SERINC2: variants seen among roughly 807,000 people sequenced by gnomAD.
SERINC2 encodes the protein serine incorporator 2.
Under a neutral mutation model 54.2 loss-of-function variants are expected in SERINC2, and 56 were observed. The ratio of observed to expected loss-of-function variants is 1.03; its 90% CI spans 0.83 to 1.29. SERINC2 has a LOEUF of 1.29. Ranked by LOEUF, SERINC2 falls within the 50% of genes most tolerant of loss-of-function variation. The probability of loss-of-function intolerance (pLI) is 0.00; values close to 1 mark genes in which losing one functional copy is unlikely to be tolerated. For synonymous variants in SERINC2, 272 were observed against 253.1 expected (o/e 1.07, Z -0.71); for missense variants, 614 against 607.4 (o/e 1.01, Z -0.12).
Position 31,413,288 on chromosome 1 carries a change from G to A in SERINC2, c.23G>A (p.Cys8Tyr). The change falls in exon 1 of 10, where the codon TGC becomes TAC. Residue 8 changes from cysteine (C) to tyrosine (Y), a missense_variant. Coordinates refer to ENST00000373709, the MANE Select transcript of SERINC2 (RefSeq NM_178865.5). This position sits in a 1 kb window ranked among gnomAD's most constrained non-coding sequence, Gnocchi z 5.0. MGACLGA[C>Y]SLLSCASCLC... is the part of the protein sequence containing the mutation. Reference sequence around the variant, plus strand: ...GCCATGGGGGCCTGCCTGGGAGCCTGCTCCCTGCTCAGCTGCGTGAGTCCC... The same window carrying A: ...GCCATGGGGGCCTGCCTGGGAGCCTACTCCCTGCTCAGCTGCGTGAGTCCC... 4.7e-6 allele frequency: 6 copies of A among 1,273,804 alleles called. No homozygotes were observed. Among genetic ancestry groups the A allele is most frequent in the Non-Finnish European group, 5.9e-6 (6 of 1,012,184 alleles). The allele number at this position is 1,273,804 out of a possible 1,614,324, so 78.9% of individuals were successfully genotyped here.
In SERINC2 at chr1:31,428,997, G is replaced by C; in HGVS notation, c.800G>C (p.Gly267Ala). 6.2e-7 allele frequency: 1 copy of C among 1,613,928 alleles called. No individual in the cohort carries two copies. The highest frequency in any genetic ancestry group is 8.5e-7 in the Non-Finnish European group (1 of 1,179,952). ...TGCCAGGACGCCCAGCCCAACTCGGGTCTGCTGCAGGCCTCGGTCATCACC... is the reference window on the plus strand; with the variant it reads ...TGCCAGGACGCCCAGCCCAACTCGGCTCTGCTGCAGGCCTCGGTCATCACC... ...PKVQDAQPNS[G>A]LLQASVITLY... The change falls in exon 7 of 10, where the codon GGT becomes GCT. Residue 267 changes from glycine (G) to alanine (A), a missense_variant. Gly to Ala is a moderately conservative substitution (Grantham distance 60). Transcript: ENST00000373709.
intron 8 of SERINC2, among the ~76,000 whole-genome samples, chr1:31,431,655 C>T (rs1641205099): frequency 6.6e-6 from 1 of 152,042 alleles, no homozygotes; most frequent in Non-Finnish European, 1.5e-5. Context: ...ATGGTTCTTA[C>T]AGCACAGGCA....
intron 6 of SERINC2, 62 bp downstream of exon 6, chr1:31,426,885 A>G: frequency 6.7e-7 from 1 of 1,498,310 alleles, no homozygotes. Context: ...GACTTCTTGT[A>G]GGAACCTGGG....
rs537796361 is a variant in SERINC2 at position 31,430,140 on chromosome 1, T to G, written c.1013+602T>G. Among the ~76,000 whole-genome samples the G allele has an allele frequency of 3.3e-5, 5 of 152,218 alleles. No individual in the cohort carries two copies. In the East Asian group the frequency reaches 9.6e-4, roughly 29 times the overall value. On this transcript the variant is annotated intron_variant, in intron 8 of 9. Coordinates refer to ENST00000373709, the MANE Select transcript of SERINC2 (RefSeq NM_178865.5). Reference sequence around the variant, plus strand: ...TAACCTCTTTAGGCCTCCATTTCCTTGTCTGTAAAATAGAGATAAAAATAG... The same window carrying G: ...TAACCTCTTTAGGCCTCCATTTCCTGGTCTGTAAAATAGAGATAAAAATAG...
chr1:31,429,051 C>A lies in SERINC2; in HGVS notation c.854C>A (p.Ala285Asp), dbSNP rs782573843. The A allele has an allele frequency of 5.6e-6, 9 of 1,613,652 alleles. No homozygotes were observed. Among genetic ancestry groups the A allele is most frequent in the Non-Finnish European group, 7.6e-6 (9 of 1,179,624 alleles). Residue 285 changes from alanine to aspartate, a missense_variant, in exon 7 of 10, where the codon GCC (alanine) becomes GAC (aspartate). Transcript: ENST00000373709. ...TLYTMFVTWS[A>D]LSSIPEQKCN... ...TACACCATGTTTGTCACCTGGTCAG[C>A]CCTATCCAGTATCCCTGGTAAGTAT...
intron 1 of SERINC2, among the ~76,000 whole-genome samples, chr1:31,417,152 ATCT>A (rs1640799976): frequency 6.6e-6 from 1 of 152,196 alleles, no homozygotes; most frequent in African/African-American, 2.4e-5. Context: ...ACTCCAGAAC[ATCT>A]TCTTACTGTC....
chr1:31,410,528 T>G, upstream of SERINC2: 1 of 1,510,128 alleles, frequency 6.6e-7, no homozygotes, highest in South Asian at 1.3e-5. Context: ...CATATTACCT[T>G]GCTCTGGAAA....
intron 1 of SERINC2, chr1:31,414,097 CTG>C: frequency 6.8e-7 from 1 of 1,463,008 alleles, no homozygotes; most frequent in South Asian, 1.4e-5. Flanking sequence ...GGGCGGAACT[CTG>C]GGTTGGGAGA....
At chr1:31,417,981 C>T (rs942240556) in intron 1 of SERINC2, among the ~76,000 whole-genome samples, 4 of 151,076 alleles carry the variant, frequency 2.6e-5, no homozygotes, top group African/African-American at 7.3e-5. Context: ...CTCAGCCTCC[C>T]GCGTAGCTGG....
intron 8 of SERINC2, among the ~76,000 whole-genome samples, chr1:31,432,091 G>C (rs1570068843): frequency 2.1e-4 from 26 of 124,700 alleles, no homozygotes; most frequent in African/African-American, 3.0e-4. Flanking sequence ...GGTTAGGGTG[G>C]ACAGGGTGGA....
At position 31,420,348 on chromosome 1, in the gene SERINC2, A is replaced by G. The variant is rs572183971; in HGVS notation, c.40-3345A>G. On this transcript the variant is annotated intron_variant, in intron 1 of 9. Coordinates refer to ENST00000373709, the MANE Select transcript of SERINC2 (RefSeq NM_178865.5). ...AGGAACACCTGGATTTTGATGTTTA[A>G]GAACCAGAGCGAACTGAAAGGCCAA... Among the ~76,000 whole-genome samples, 4 of 152,286 alleles carry G rather than the reference A, an allele frequency of 2.6e-5. No homozygotes were observed. In the South Asian group the frequency reaches 8.3e-4, roughly 32 times the overall value.
In SERINC2 at chr1:31,434,403, C is replaced by A. The variant is rs553299108; in HGVS notation, c.*204C>A. ...GCATCAGGCTCCTGCAGAGCCCCAT[C>A]CCCCCGCCACACCCACACGGTGGAG... On this transcript the variant is annotated 3_prime_UTR_variant, in exon 10 of 10. Transcript: ENST00000373709. 6.5e-4 allele frequency: 376 copies of A among 582,850 alleles called. 6 individuals carry two copies. The South Asian group carries it at 7.6e-3, about 12-fold the overall frequency. 36.1% of individuals were successfully genotyped at this position (582,850 alleles called of 1,614,324 possible).
chr1:31,414,423 G>GTGTGTGTGTA, intron 1 of SERINC2: 1 of 685,214 alleles, frequency 1.5e-6, no homozygotes, highest in South Asian at 7.4e-5. Context: ...CTGACGGGTT[G>GTGTGTGTGTA]TGTGTGTGTG....
chr1:31,413,774 T>C lies in SERINC2; in HGVS notation c.39+470T>C. 13 of 1,358,140 alleles carry C rather than the reference T, an allele frequency of 9.6e-6. No homozygotes were observed. The highest frequency in any genetic ancestry group is 1.2e-5 in the Non-Finnish European group (13 of 1,061,428). The allele number at this position is 1,358,140 out of a possible 1,614,324, so 84.1% of individuals were successfully genotyped here. A position where few individuals can be genotyped will look rare whatever the true frequency, so the allele number is the denominator to read the frequency against. On this transcript the variant is annotated intron_variant, in intron 1 of 9. Coordinates refer to ENST00000373709, the MANE Select transcript of SERINC2 (RefSeq NM_178865.5). This position sits in a 1 kb window ranked among gnomAD's most constrained non-coding sequence, Gnocchi z 5.0. ...CCCTACCCCTCTGGCCGCCTGCCAG[T>C]CCGCCTGTTCCTGTCGCTCGGGCTC...
chr1:31,426,863 C>T, intron 6 of SERINC2, 40 bp downstream of exon 6: 1 of 1,577,832 alleles, frequency 6.3e-7, no homozygotes, highest in Non-Finnish European at 8.7e-7. Flanking sequence ...AGCCCGGCCC[C>T]TTAGTGGGTG....
Position 31,426,774 on chromosome 1 carries a change from T to C in SERINC2, c.731T>C (p.Leu244Pro). 6.2e-7 allele frequency: 1 copy of C among 1,614,080 alleles called. No individual in the cohort carries two copies. Among genetic ancestry groups the C allele is most frequent in the Non-Finnish European group, 8.5e-7 (1 of 1,179,994 alleles). Residue 244 changes from leucine to proline, a missense_variant, in exon 6 of 10, where the codon CTC becomes CCC. Coordinates refer to ENST00000373709, the MANE Select transcript of SERINC2 (RefSeq NM_178865.5). ...GGCAAGGTCTTCATCAGCCTCAACC[T>C]CACCTTCTGTGTCTGCGTGTCCATC... ...HEGKVFISLN[L>P]TFCVCVSIAA...
Position 31,426,690 on chromosome 1 carries a change from C to A in SERINC2, c.647C>A (p.Ser216Ter), listed in dbSNP as rs782328897. The change falls in exon 6 of 10, where the codon TCG becomes TAG. Residue 216 changes from serine to a stop codon, truncating the protein, a stop_gained. Transcript: ENST00000373709. LOFTEE classifies it high-confidence loss of function. Reference sequence around the variant, plus strand: ...TTCACTCTCCTCTTCTACTTGCTGTCGATCGCGGCCGTGGCGCTGATGTTC... The same window carrying A: ...TTCACTCTCCTCTTCTACTTGCTGTAGATCGCGGCCGTGGCGCTGATGTTC... ...FFFTLLFYLL[S>*]IAAVALMFMY... 6.2e-7 allele frequency: 1 copy of A among 1,613,192 alleles called. No homozygotes were observed. Among genetic ancestry groups the A allele is most frequent in the Middle Eastern group, 1.7e-4 (1 of 6,056 alleles).
chr1:31,434,351 AGTC>A lies in SERINC2; in HGVS notation c.*155_*157del. On this transcript the variant is annotated 3_prime_UTR_variant, in exon 10 of 10. Coordinates refer to ENST00000373709, the MANE Select transcript of SERINC2 (RefSeq NM_178865.5). ...GACCTGCCCCTGAGCCGGGCCTTCTAGTCGTAGTGCCTTCAGGGTCCGAGGAGC... is the reference window on the plus strand; with the variant it reads ...GACCTGCCCCTGAGCCGGGCCTTCTAGTAGTGCCTTCAGGGTCCGAGGAGC... The A allele has an allele frequency of 1.4e-6, 1 of 736,306 alleles. No individual in the cohort carries two copies. The highest frequency in any genetic ancestry group is 2.2e-6 in the Non-Finnish European group (1 of 452,710). 45.6% of individuals were successfully genotyped at this position (736,306 alleles called of 1,614,324 possible).
At chr1:31,430,894 A>T (rs1398102872) in intron 8 of SERINC2, among the ~76,000 whole-genome samples, 1 of 152,244 alleles carries the variant, frequency 6.6e-6, no homozygotes, top group East Asian at 1.9e-4. Flanking sequence ...CGATCCATCC[A>T]TCCCAGTTCC....
Sources: gnomAD v4.1 joint callset for allele counts (sites outside exome capture counted in the v4.1 genomes callset) on GRCh38, gnomAD v4.1.1 for gene constraint, Gnocchi (gnomAD v3.1) non-coding constraint, MANE v1.5 for transcripts, NCBI Gene and HGNC (gene_info 2026-07-23, HGNC 2026-07-21) for gene names.